PUDP: variants seen among roughly 807,000 people sequenced by gnomAD.
The protein encoded by PUDP is pseudouridine-5'-phosphatase.
PUDP carries 8 observed loss-of-function variants against 9.4 expected under a neutral mutation model. That is an observed-to-expected ratio of 0.85 (90% CI 0.50 to 1.53). The LOEUF is 1.53. Ranked by LOEUF, PUDP falls within the 40% of genes most tolerant of loss-of-function variation. PUDP has a pLI of 0.00. For synonymous variants in PUDP, 99 were observed against 80.7 expected, an observed-to-expected ratio of 1.23 and a Z score of -1.22; for missense variants, 188 against 189.7, an observed-to-expected ratio of 0.99 and a Z score of 0.05.
intron 3 of PUDP, among the ~76,000 whole-genome samples, chrX:6,810,344 T>G (rs1926122876): frequency 9.0e-6 from 1 of 111,514 alleles, no homozygotes; most frequent in South Asian, 3.8e-4. Flanking sequence ...GGGTTGCTTA[T>G]TAAGTGTAGT....
chrX:6,734,515 G>A (rs935558289), intron 3 of PUDP, among the ~76,000 whole-genome samples: 1 of 112,044 alleles, frequency 8.9e-6, no homozygotes, highest in African/African-American at 3.2e-5. Context: ...GCTCACGCCT[G>A]TAATCCCAGT....
chrX:7,133,123 T>C (rs1382772748), intron 1 of PUDP, among the ~76,000 whole-genome samples: 6 of 111,608 alleles, frequency 5.4e-5, no homozygotes, highest in African/African-American at 2.0e-4. Context: ...GTTTGCTGCC[T>C]GGTGTGGAAT....
chrX:6,788,425 G>C (rs966510131), intron 3 of PUDP, among the ~76,000 whole-genome samples: 5 of 111,944 alleles, frequency 4.5e-5, no homozygotes, highest in Non-Finnish European at 7.5e-5. Flanking sequence ...AGAAGGGGCT[G>C]GCTGTAGTGG....
chrX:6,895,322 TTATA>T (rs1927574114), intron 3 of PUDP, among the ~76,000 whole-genome samples: 4 of 106,652 alleles, frequency 3.8e-5, no homozygotes, highest in African/African-American at 6.7e-5. Context: ...GACATAATTA[TTATA>T]TATACTATTA....
chrX:6,969,873 AGTCTCTTT>A (rs1274504918), intron 3 of PUDP, among the ~76,000 whole-genome samples: 1 of 112,210 alleles, frequency 8.9e-6, no homozygotes, highest in African/African-American at 3.3e-5. Context: ...AGCAAGACCC[AGTCTCTTT>A]GTAAAATTTT....
chrX:7,083,461 G>A (rs1376779088), intron 2 of PUDP, among the ~76,000 whole-genome samples: 2 of 111,591 alleles, frequency 1.8e-5, no homozygotes, highest in African/African-American at 6.5e-5. Flanking sequence ...GAAGAAGAAA[G>A]AACATATGAG....
rs752316013 is a variant in PUDP at position 6,790,250 on chromosome X, G to A, written c.*248-83784C>T. On this transcript the variant is annotated intron_variant and NMD_transcript_variant, in intron 3 of 3. Coordinates refer to the PUDP transcript ENST00000655425. ...TGGATATGATATATAGATGGAGAAG[G>A]AAATAAAAATATTTCACCTCAAAAT... is the stretch of plus-strand genomic sequence containing the variant. Among the ~76,000 whole-genome samples the A allele has an allele frequency of 2.5e-3, 277 of 111,382 alleles. 1 individual carries two copies. Among genetic ancestry groups the A allele is most frequent in the African/African-American group, 8.6e-3 (265 of 30,734 alleles).
chrX:6,879,419 T>G (rs1927312822), intron 3 of PUDP, among the ~76,000 whole-genome samples: 1 of 104,407 alleles, frequency 9.6e-6, no homozygotes, highest in Admixed American at 1.0e-4. Context: ...AGTGAAGATG[T>G]AACAGACAGC....
chrX:6,812,084 G>A (rs901380489), intron 3 of PUDP, among the ~76,000 whole-genome samples: 7 of 112,232 alleles, frequency 6.2e-5, no homozygotes, highest in Non-Finnish European at 1.1e-4. Context: ...AAAACAGCAC[G>A]GTAGCCCTGC....
intron 3 of PUDP, among the ~76,000 whole-genome samples, chrX:6,956,059 T>C (rs951546479): frequency 8.9e-6 from 1 of 112,183 alleles, no homozygotes; most frequent in African/African-American, 3.2e-5. Context: ...TCTTGTTTGT[T>C]TGTTTTTGGA....
chrX:6,841,329 T>C (rs1468149704), intron 3 of PUDP, among the ~76,000 whole-genome samples: 1 of 109,397 alleles, frequency 9.1e-6, no homozygotes, highest in African/African-American at 3.4e-5. Flanking sequence ...TGCTGGCTCA[T>C]GCTTATAATC....
intron 1 of PUDP, among the ~76,000 whole-genome samples, chrX:7,037,679 T>C (rs1003356278): frequency 2.7e-5 from 3 of 112,588 alleles, no homozygotes; most frequent in African/African-American, 9.7e-5. Context: ...CATTTGTTTG[T>C]TTCTTATTCT....
At chrX:6,782,329 G>A (rs1925576958) in intron 3 of PUDP, among the ~76,000 whole-genome samples, 1 of 111,381 alleles carries the variant, frequency 9.0e-6, no homozygotes, top group African/African-American at 3.3e-5. Flanking sequence ...CAGCACTTTG[G>A]GAGGCCAAGG....
At chrX:6,941,338 TGTC>T (rs1928395283) in intron 3 of PUDP, among the ~76,000 whole-genome samples, 3 of 93,574 alleles carry the variant, frequency 3.2e-5, no homozygotes, top group Admixed American at 1.2e-4. Context: ...TTTTCTTTTC[TGTC>T]TTTTTTTTTT....
chrX:7,092,873 A>G (rs1380130779), intron 2 of PUDP, among the ~76,000 whole-genome samples: 8 of 112,321 alleles, frequency 7.1e-5, no homozygotes, highest in African/African-American at 2.6e-4. Context: ...GAAAAACCAC[A>G]TTTGTGTCTA....
At chrX:6,987,788 A>G (rs1344099642) in intron 1 of PUDP, among the ~76,000 whole-genome samples, 1 of 112,586 alleles carries the variant, frequency 8.9e-6, no homozygotes, top group Non-Finnish European at 1.9e-5. Flanking sequence ...CCTGGCTTTT[A>G]CAGAAAATGT....
chrX:6,876,945 ATG>A (rs1302921283), intron 3 of PUDP, among the ~76,000 whole-genome samples: 1 of 105,940 alleles, frequency 9.4e-6, no homozygotes, highest in African/African-American at 3.5e-5. Flanking sequence ...ACATTCATAT[ATG>A]TGTACACACA....
At chrX:6,733,770 CTTTTTTTT>C (rs3046297) in intron 3 of PUDP, among the ~76,000 whole-genome samples, 2 of 46,264 alleles carry the variant, frequency 4.3e-5, no homozygotes, top group Admixed American at 3.7e-4. Flanking sequence ...AAAGCAAAGC[CTTTTTTTT>C]TTTTTTTTTT....
At chrX:7,122,420 TGG>T in intron 1 of PUDP, among the ~76,000 whole-genome samples, 1 of 111,880 alleles carries the variant, frequency 8.9e-6, no homozygotes, top group Non-Finnish European at 1.9e-5. Flanking sequence ...AGAGATGAAT[TGG>T]CTCTCCCTTC....
Sources: allele counts gnomAD v4.1 joint callset (sites outside exome capture counted in the v4.1 genomes callset), GRCh38; gene constraint gnomAD v4.1.1; transcripts MANE v1.5; gene names NCBI Gene and HGNC (gene_info 2026-07-23, HGNC 2026-07-21).